Variants in CACNA2D3 observed in about 807,000 individuals in gnomAD.
CACNA2D3 encodes voltage-dependent calcium channel subunit alpha-2/delta-3.
A neutral mutation model predicts 160.6 loss-of-function variants in CACNA2D3; 60 were observed. The observed-to-expected ratio is 0.37, with a 90% CI of 0.30 to 0.46. The LOEUF (loss-of-function observed/expected upper bound fraction) is 0.46. Ranked by LOEUF, CACNA2D3 falls within the 20% of genes least tolerant of loss-of-function variation. The pLI, the probability that CACNA2D3 is intolerant of heterozygous loss-of-function variation, is 1.00. For synonymous variants in CACNA2D3, 558 were observed against 492.9 expected, an observed-to-expected ratio of 1.13 and a Z score of -1.75; for missense variants, 1,205 against 1,365.0, an observed-to-expected ratio of 0.88 and a Z score of 1.85.
intron 35 of CACNA2D3, among the ~76,000 whole-genome samples, chr3:55,059,304 C>A (rs926646835): frequency 1.3e-5 from 2 of 152,200 alleles, no homozygotes; most frequent in South Asian, 2.1e-4. Flanking sequence ...ATTCTCCCTT[C>A]GATGTAGGGA....
chr3:54,239,425 T>A (rs4928021), intron 2 of CACNA2D3, among the ~76,000 whole-genome samples: 149,694 of 152,358 alleles, frequency 0.98, 73,544 homozygotes, highest in African/African-American at 1. Flanking sequence ...ACAAGATATA[T>A]ATTCATGGAC....
chr3:54,993,601 G>A (rs1559457655), intron 31 of CACNA2D3, among the ~76,000 whole-genome samples: 1 of 152,176 alleles, frequency 6.6e-6, no homozygotes, highest in African/African-American at 2.4e-5. Flanking sequence ...ACTGAAGGAT[G>A]AAAATGTGGC....
intron 11 of CACNA2D3, among the ~76,000 whole-genome samples, chr3:54,723,968 G>A (rs1701227088): frequency 6.6e-6 from 1 of 152,168 alleles, no homozygotes; most frequent in Non-Finnish European, 1.5e-5. Context: ...AAAAGACACA[G>A]ACTGGCAAAT....
In CACNA2D3 at chr3:55,049,105, C is replaced by T. The variant is rs191807245; in HGVS notation, c.2988-24340C>T. 1.1e-3 allele frequency among the ~76,000 whole-genome samples: 163 copies of T among 151,816 alleles called. 7 individuals are homozygous for T. In the East Asian group the frequency reaches 0.026, roughly 24 times the overall value. On this transcript the variant is annotated intron_variant, in intron 35 of 37. Coordinates refer to ENST00000474759, the MANE Select transcript of CACNA2D3 (RefSeq NM_018398.3). ...GGTTTTTTGTGTCCCTGTTTCCTTC[C>T]GTTCTGCTCTGATTTTAGTTATTTC...
rs80320538 is a variant in CACNA2D3, at chr3:54,820,171, C to T, written c.1398+3301C>T. Reference sequence around the variant, plus strand: ...TTGTACCATATGGTGTCTGCATTTGCGCTGTGTTTTTGTTGGACTCTGCCT... The same window carrying T: ...TTGTACCATATGGTGTCTGCATTTGTGCTGTGTTTTTGTTGGACTCTGCCT... On this transcript the variant is annotated intron_variant, in intron 14 of 37. Coordinates refer to ENST00000474759, the MANE Select transcript of CACNA2D3 (RefSeq NM_018398.3). 8.9e-3 allele frequency among the ~76,000 whole-genome samples: 1,352 copies of T among 152,178 alleles called. 26 individuals are homozygous for T. Among genetic ancestry groups the T allele is most frequent in the African/African-American group, 0.031 (1,304 of 41,500 alleles).
At chr3:54,450,634 T>C (rs1049508273) in intron 4 of CACNA2D3, among the ~76,000 whole-genome samples, 1 of 152,014 alleles carries the variant, frequency 6.6e-6, no homozygotes, top group Non-Finnish European at 1.5e-5. Flanking sequence ...CCCGGCCCTC[T>C]CTCTCTTGCT....
chr3:54,349,442 A>C (rs1321177701), intron 3 of CACNA2D3, among the ~76,000 whole-genome samples: 1 of 152,146 alleles, frequency 6.6e-6, no homozygotes, highest in African/African-American at 2.4e-5. Flanking sequence ...TATCAGCAAT[A>C]CCAGCCCCAT....
At chr3:54,864,836 G>A (rs1699365176) in intron 17 of CACNA2D3, among the ~76,000 whole-genome samples, 1 of 152,158 alleles carries the variant, frequency 6.6e-6, no homozygotes, top group South Asian at 2.1e-4. Flanking sequence ...TCAGAAACGA[G>A]GTTGGGCTGG....
chr3:54,927,812 C>G (rs1469133765), intron 27 of CACNA2D3: 1 of 1,371,046 alleles, frequency 7.3e-7, no homozygotes, highest in Non-Finnish European at 1.0e-6. Flanking sequence ...AGACAGACGA[C>G]TTGAAAATAG....
At chr3:54,587,275 G>T (rs1414465713) in intron 9 of CACNA2D3, among the ~76,000 whole-genome samples, 3 of 145,666 alleles carry the variant, frequency 2.1e-5, no homozygotes, top group Non-Finnish European at 4.5e-5. Context: ...ATGAAGAGAG[G>T]GGCAGGCGCG....
intron 2 of CACNA2D3, among the ~76,000 whole-genome samples, chr3:54,178,174 T>G (rs1700710820): frequency 6.6e-6 from 1 of 152,178 alleles, no homozygotes; most frequent in Admixed American, 6.5e-5. Flanking sequence ...GTGGTCAGTT[T>G]GGTCATGAAC....
chr3:55,007,803 T>C lies in CACNA2D3; in HGVS notation c.2780T>C (p.Phe927Ser). 6.4e-7 allele frequency: 1 copy of C among 1,560,430 alleles called. No individual in the cohort carries two copies. The highest frequency in any genetic ancestry group is 8.6e-7 in the Non-Finnish European group (1 of 1,156,174). ...TCTTCTCTTCAGCCTTATAATGCCT[T>C]CCTCTCTGCAGTAAAATGGATCATG... ...AHGLLDPYNA[F>S]LSAVKWIMTE... The change falls in exon 33 of 38, where the codon TTC becomes TCC. Residue 927 changes from phenylalanine (F) to serine (S), a missense_variant. Phe to Ser is a radical substitution (Grantham distance 155, BLOSUM62 -2). Around this residue, in one of 3 missense-constraint regions of CACNA2D3, gnomAD observed 911 missense variants for 1,002.2 expected, o/e 0.91. Transcript: ENST00000474759.
intron 16 of CACNA2D3, among the ~76,000 whole-genome samples, chr3:54,844,409 G>A (rs1698888813): frequency 6.6e-6 from 1 of 152,180 alleles, no homozygotes; most frequent in African/African-American, 2.4e-5. Flanking sequence ...ATGGCACTTG[G>A]TTAATGAATA....
chr3:54,646,234 CCTTCCTTCCTTCCT>C (rs1189059186), intron 11 of CACNA2D3, among the ~76,000 whole-genome samples: 12 of 113,448 alleles, frequency 1.1e-4, no homozygotes, highest in African/African-American at 4.4e-4. Context: ...TTCCTTCCTT[CCTTCCTTCCTTCCT>C]CTCTCTCTCT....
intron 5 of CACNA2D3, among the ~76,000 whole-genome samples, chr3:54,521,651 G>A (rs1346200763): frequency 2.0e-5 from 3 of 152,134 alleles, no homozygotes; most frequent in African/African-American, 7.2e-5. Flanking sequence ...TTATTCCTGT[G>A]TTTTCTTGTA....
At chr3:54,764,585 G>T (rs7615562) in intron 13 of CACNA2D3, among the ~76,000 whole-genome samples, 2 of 152,114 alleles carry the variant, frequency 1.3e-5, no homozygotes, top group South Asian at 2.1e-4. Flanking sequence ...AAGAAATCAC[G>T]TTTTGCTTGT....
chr3:54,685,300 G>C (rs766619304), intron 11 of CACNA2D3, among the ~76,000 whole-genome samples: 3 of 152,196 alleles, frequency 2.0e-5, no homozygotes, highest in Non-Finnish European at 4.4e-5. Context: ...AGTGTTTTAG[G>C]CTTTACAGGT....
intron 4 of CACNA2D3, among the ~76,000 whole-genome samples, chr3:54,478,505 G>T (rs565037021): frequency 2.6e-5 from 4 of 151,228 alleles, no homozygotes; most frequent in African/African-American, 4.9e-5. Context: ...GGTGGCAGGC[G>T]CCTGTAGTCC....
chr3:54,958,569 G>A lies in CACNA2D3; in HGVS notation c.2450-9881G>A, dbSNP rs750291061. On this transcript the variant is annotated intron_variant, in intron 27 of 37. Coordinates refer to ENST00000474759, the MANE Select transcript of CACNA2D3 (RefSeq NM_018398.3). ...GTGGGGATCTGGTTGGGATTGGGAC[G>A]TCTCCTGAGTAAAGCAATAGTTATT... 4.6e-5 allele frequency among the ~76,000 whole-genome samples: 7 copies of A among 152,250 alleles called. No homozygotes were observed. In the East Asian group the frequency reaches 5.8e-4, roughly 13 times the overall value.
Sources: gnomAD v4.1 joint callset for allele counts (sites outside exome capture counted in the v4.1 genomes callset) on GRCh38, gnomAD v4.1.1 for gene constraint, gnomAD v4.1.1 regional missense constraint, MANE v1.5 for transcripts, NCBI Gene and HGNC (gene_info 2026-07-23, HGNC 2026-07-21) for gene names.